Variants in ZFYVE9 observed in about 807,000 individuals in gnomAD.
The protein encoded by ZFYVE9 is zinc finger FYVE domain-containing protein 9.
ZFYVE9 carries 43 observed loss-of-function variants against 126.7 expected under a neutral mutation model. That is an observed-to-expected ratio of 0.34 (90% CI 0.27 to 0.44). ZFYVE9 has a LOEUF of 0.44. Among genes scored for constraint, ZFYVE9 ranks in the 20% least tolerant of loss-of-function variants. The probability of loss-of-function intolerance (pLI) is 1.00; values close to 1 mark genes in which losing one functional copy is unlikely to be tolerated. For synonymous variants in ZFYVE9, 521 were observed against 597.4 expected (o/e 0.87, Z 1.87); for missense variants, 1,476 against 1,697.0 (o/e 0.87, Z 2.29).
rs1257460026 is a variant in ZFYVE9 at position 52,142,637 on chromosome 1, C to T, written c.-143+234C>T. ...GCCCTCGCTCCGGCCTCGGTTCCGGCGCGGCCGGGTGTGTGGAGCTGGGGG... is the reference window on the plus strand; with the variant it reads ...GCCCTCGCTCCGGCCTCGGTTCCGGTGCGGCCGGGTGTGTGGAGCTGGGGG... On this transcript the variant is annotated intron_variant, in intron 1 of 18. Coordinates refer to ENST00000287727, the MANE Select transcript of ZFYVE9 (RefSeq NM_004799.4). The surrounding 1 kb of genome is among the most constrained non-coding windows in gnomAD (Gnocchi z 4.5). 1.3e-5 allele frequency among the ~76,000 whole-genome samples: 2 copies of T among 152,158 alleles called. No individual in the cohort carries two copies. The highest frequency in any genetic ancestry group is 2.9e-5 in the Non-Finnish European group (2 of 68,014).
chr1:52,203,372 G>A (rs1481157583), intron 1 of ZFYVE9, among the ~76,000 whole-genome samples: 2 of 151,258 alleles, frequency 1.3e-5, no homozygotes. Flanking sequence ...TAGTAGAGAC[G>A]GGGTTTCACT....
chr1:52,235,626 T>A (rs1285861914), intron 3 of ZFYVE9, among the ~76,000 whole-genome samples: 1 of 152,162 alleles, frequency 6.6e-6, no homozygotes, highest in African/African-American at 2.4e-5. Context: ...TTAACAACTT[T>A]TCACTACTTC....
At chr1:52,320,687 A>G (rs1052416942) in intron 13 of ZFYVE9, among the ~76,000 whole-genome samples, 1 of 152,226 alleles carries the variant, frequency 6.6e-6, no homozygotes, top group Non-Finnish European at 1.5e-5. Context: ...GAAAGAAGAC[A>G]TAAGATAAAA....
At chr1:52,330,107 G>A (rs547612756) in intron 13 of ZFYVE9, among the ~76,000 whole-genome samples, 59 of 152,254 alleles carry the variant, frequency 3.9e-4, no homozygotes, top group Admixed American at 3.2e-3. Context: ...GGCCAGGTGC[G>A]ATGGCTCACG....
chr1:52,333,138 T>C (rs1294824540), intron 14 of ZFYVE9, among the ~76,000 whole-genome samples: 2 of 152,048 alleles, frequency 1.3e-5, no homozygotes. Flanking sequence ...ATTTTGAAAA[T>C]ATGCCCTTAG....
At chr1:52,256,159 G>A in intron 4 of ZFYVE9, among the ~76,000 whole-genome samples, 1 of 150,230 alleles carries the variant, frequency 6.7e-6, no homozygotes, top group East Asian at 2.0e-4. Flanking sequence ...TCCACCTCCT[G>A]GGTTCAAGTG....
intron 2 of ZFYVE9, among the ~76,000 whole-genome samples, chr1:52,220,550 G>T (rs1443259403): frequency 6.6e-6 from 1 of 152,114 alleles, no homozygotes; most frequent in Non-Finnish European, 1.5e-5. Flanking sequence ...CTTCTTTAGG[G>T]TTTCCTTACT....
At chr1:52,175,365 G>A (rs1083302) in intron 1 of ZFYVE9, among the ~76,000 whole-genome samples, 1,995 of 151,546 alleles carry the variant, frequency 0.013, 33 homozygotes, top group African/African-American at 0.036. Context: ...AGTTTCTGCC[G>A]AGAGATCAGC....
chr1:52,291,046 T>A (rs1016581217), intron 10 of ZFYVE9, among the ~76,000 whole-genome samples: 4 of 152,240 alleles, frequency 2.6e-5, no homozygotes, highest in Non-Finnish European at 5.9e-5. Flanking sequence ...AATGCCATAC[T>A]GCTACGTTGA....
chr1:52,255,948 CT>C lies in ZFYVE9; in HGVS notation c.2179-7821del, dbSNP rs1557484109. 3.3e-3 allele frequency among the ~76,000 whole-genome samples: 376 copies of C among 113,560 alleles called. 7 individuals are homozygous for C. The highest frequency in any genetic ancestry group is 0.014 in the African/African-American group (319 of 22,176). The allele number at this position is 113,560 out of a possible 152,430, so 74.5% of individuals were successfully genotyped here. A position where few individuals can be genotyped will look rare whatever the true frequency, so the allele number is the denominator to read the frequency against. ...CTTTTCTTTTCTTTTCTTTTCTTTT[CT>C]TTTCTTTTCTTTTCTTTTCTTTCTT... On this transcript the variant is annotated intron_variant, in intron 4 of 18. Transcript: ENST00000287727.
intron 10 of ZFYVE9, among the ~76,000 whole-genome samples, chr1:52,283,296 T>TG (rs1290014072): frequency 6.6e-6 from 1 of 152,178 alleles, no homozygotes; most frequent in Non-Finnish European, 1.5e-5. Context: ...GACTAGGGTA[T>TG]GGGAGGTTCA....
intron 2 of ZFYVE9, among the ~76,000 whole-genome samples, chr1:52,221,266 C>T (rs115442856): frequency 0.02 from 3,106 of 152,212 alleles, 93 homozygotes; most frequent in African/African-American, 0.069. Flanking sequence ...TTCAATGATC[C>T]GGGGGGAACC....
intron 3 of ZFYVE9, among the ~76,000 whole-genome samples, chr1:52,237,123 T>A (rs1327522298): frequency 6.6e-6 from 1 of 152,184 alleles, no homozygotes; most frequent in African/African-American, 2.4e-5. Context: ...TAATTAGTTA[T>A]CCTAGCCACT....
intron 1 of ZFYVE9, among the ~76,000 whole-genome samples, chr1:52,187,870 C>T (rs1644779078): frequency 6.6e-6 from 1 of 152,180 alleles, no homozygotes. Flanking sequence ...TAAATTAGTT[C>T]AGCCATTATG....
At chr1:52,170,284 A>T (rs1644555057) in intron 1 of ZFYVE9, among the ~76,000 whole-genome samples, 1 of 152,118 alleles carries the variant, frequency 6.6e-6, no homozygotes, top group Non-Finnish European at 1.5e-5. Context: ...GCCACTCATG[A>T]TCCTTTGAAT....
At chr1:52,322,480 C>T (rs1451392729) in intron 13 of ZFYVE9, among the ~76,000 whole-genome samples, 2 of 149,548 alleles carry the variant, frequency 1.3e-5, no homozygotes, top group African/African-American at 4.9e-5. Flanking sequence ...CGGGTTCAAG[C>T]GATTCTTCTT....
intron 7 of ZFYVE9, among the ~76,000 whole-genome samples, chr1:52,268,834 T>A (rs1645659887): frequency 6.6e-6 from 1 of 152,188 alleles, no homozygotes; most frequent in African/African-American, 2.4e-5. Flanking sequence ...AGGAGAAAGG[T>A]TCTTAATGAA....
At chr1:52,154,769 CTCTG>C (rs1644386416) in intron 1 of ZFYVE9, among the ~76,000 whole-genome samples, 1 of 152,158 alleles carries the variant, frequency 6.6e-6, no homozygotes, top group Non-Finnish European at 1.5e-5. Context: ...CGACTCAAAG[CTCTG>C]TCTGTTAAGA....
chr1:52,164,766 C>G (rs926843256), intron 1 of ZFYVE9, among the ~76,000 whole-genome samples: 1 of 152,188 alleles, frequency 6.6e-6, no homozygotes, highest in Non-Finnish European at 1.5e-5. Context: ...TGCTGCTTTC[C>G]TTTCTAAGTA....
Sources: gnomAD v4.1 joint callset for allele counts (sites outside exome capture counted in the v4.1 genomes callset) on GRCh38, gnomAD v4.1.1 for gene constraint, Gnocchi (gnomAD v3.1) non-coding constraint, MANE v1.5 for transcripts, NCBI Gene and HGNC (gene_info 2026-07-23, HGNC 2026-07-21) for gene names.